CCBE1: variants seen among roughly 807,000 people sequenced by gnomAD.
CCBE1 encodes collagen and calcium binding EGF domains 1.
CCBE1 carries 37 observed loss-of-function variants against 50.0 expected under a neutral mutation model. The observed-to-expected ratio is 0.74, with a 90% CI of 0.57 to 0.97. The LOEUF (loss-of-function observed/expected upper bound fraction) is 0.97. Among genes scored for constraint, CCBE1 ranks in the 50% least tolerant of loss-of-function variants. CCBE1 has a pLI of 0.00. For synonymous variants in CCBE1, 234 were observed against 203.7 expected (o/e 1.15, Z -1.27); for missense variants, 538 against 523.8 (o/e 1.03, Z -0.26).
intron 2 of CCBE1, among the ~76,000 whole-genome samples, chr18:59,599,896 A>C (rs1274481478): frequency 6.6e-6 from 1 of 152,102 alleles, no homozygotes; most frequent in Non-Finnish European, 1.5e-5. Context: ...ATGACTTTGG[A>C]CTAATGGTTT....
intron 2 of CCBE1, among the ~76,000 whole-genome samples, chr18:59,596,049 A>G (rs985201720): frequency 3.3e-5 from 5 of 152,258 alleles, no homozygotes; most frequent in Non-Finnish European, 5.9e-5. Context: ...TTTTAATTCT[A>G]TAAACAAATC....
rs1327739104 is a variant in CCBE1 at position 59,433,599 on chromosome 18, C to G, written c.*2309G>C. On this transcript the variant is annotated 3_prime_UTR_variant, in exon 11 of 11. Coordinates refer to ENST00000439986, the MANE Select transcript of CCBE1 (RefSeq NM_133459.4). ...ACTGAAAGGTGGCATTCAAACACAACAAAAGGGATATTTTTTTTTTTTTGA... is the reference window on the plus strand; with the variant it reads ...ACTGAAAGGTGGCATTCAAACACAAGAAAAGGGATATTTTTTTTTTTTTGA... 3 of 108,902 alleles carry G rather than the reference C, an allele frequency of 2.8e-5. No individual in the cohort carries two copies. The highest frequency in any genetic ancestry group is 5.5e-5 in the Non-Finnish European group (3 of 54,944). The allele number at this position is 108,902 out of a possible 1,614,324, so 6.7% of individuals were successfully genotyped here.
chr18:59,686,768 T>A (rs2054660152), intron 2 of CCBE1, among the ~76,000 whole-genome samples: 2 of 152,170 alleles, frequency 1.3e-5, no homozygotes, highest in Non-Finnish European at 2.9e-5. Context: ...AGTATCTCCC[T>A]CCCTATGTCC....
chr18:59,485,448 A>G (rs1360986185), intron 2 of CCBE1, among the ~76,000 whole-genome samples: 1 of 152,074 alleles, frequency 6.6e-6, no homozygotes, highest in Non-Finnish European at 1.5e-5. Context: ...TAGTATTAGA[A>G]GACTAAAAGT....
At position 59,697,261 on chromosome 18, in the gene CCBE1, C is replaced by T. The variant is rs759242161; in HGVS notation, c.82G>A (p.Ala28Thr). ...RSLGPLLLLL[A>T]LGHTWTYREE... Reference sequence around the variant, plus strand: ...CTGTAGGTCCACGTGTGTCCCAACGCCAGGAGCAGCAGCAGCGGACCCAGG... The same window carrying T: ...CTGTAGGTCCACGTGTGTCCCAACGTCAGGAGCAGCAGCAGCGGACCCAGG... Residue 28 changes from alanine (A) to threonine (T), a missense_variant, in exon 1 of 11, where the codon GCG (alanine) becomes ACG (threonine). By Grantham distance (58) the Ala-to-Thr change is moderately conservative (BLOSUM62 0). Coordinates refer to ENST00000439986, the MANE Select transcript of CCBE1 (RefSeq NM_133459.4). 3 of 1,549,322 alleles carry T rather than the reference C, an allele frequency of 1.9e-6. No individual in the cohort carries two copies. The highest frequency in any genetic ancestry group is 2.7e-5 in the African/African-American group (2 of 73,130).
intron 3 of CCBE1, among the ~76,000 whole-genome samples, chr18:59,471,156 CAG>C (rs1475501298): frequency 3.9e-5 from 6 of 152,292 alleles, no homozygotes; most frequent in Middle Eastern, 3.4e-3. Context: ...AAGAAGGAGG[CAG>C]AGAGGCTGTC....
chr18:59,620,058 A>G (rs538848311), intron 2 of CCBE1, among the ~76,000 whole-genome samples: 31 of 152,122 alleles, frequency 2.0e-4, no homozygotes, highest in Non-Finnish European at 4.0e-4. Flanking sequence ...GAGGGAGGGG[A>G]ATAGGAAAGG....
chr18:59,671,227 G>A (rs1314132879), intron 2 of CCBE1, among the ~76,000 whole-genome samples: 1 of 152,130 alleles, frequency 6.6e-6, no homozygotes, highest in Non-Finnish European at 1.5e-5. Flanking sequence ...GCCCAGGTGT[G>A]GTGGCTCATA....
chr18:59,561,834 A>T (rs1327196377), intron 2 of CCBE1, among the ~76,000 whole-genome samples: 2 of 152,188 alleles, frequency 1.3e-5, no homozygotes, highest in African/African-American at 4.8e-5. Context: ...CGGCCAGCTC[A>T]AGCAGCCGAG....
chr18:59,452,574 C>G (rs1254044116), intron 6 of CCBE1, among the ~76,000 whole-genome samples: 2 of 152,154 alleles, frequency 1.3e-5, no homozygotes, highest in Non-Finnish European at 2.9e-5. Flanking sequence ...GCCTGGGCGA[C>G]AGAGCGAGAC....
upstream of CCBE1, chr18:59,697,477 G>C: frequency 8.7e-7 from 1 of 1,145,336 alleles, no homozygotes; most frequent in Non-Finnish European, 1.2e-6. Flanking sequence ...CACCTGCACG[G>C]GGAGCAGGGG....
In CCBE1 at chr18:59,434,553, C is replaced by G. The variant is rs191536972; in HGVS notation, c.*1355G>C. The G allele has an allele frequency of 1.3e-5, 2 of 152,262 alleles. No homozygotes were observed. The highest frequency in any genetic ancestry group is 2.9e-5 in the Non-Finnish European group (2 of 68,032). 9.4% of individuals were successfully genotyped at this position (152,262 alleles called of 1,614,324 possible). A position where few individuals can be genotyped will look rare whatever the true frequency, so the allele number is the denominator to read the frequency against. On this transcript the variant is annotated 3_prime_UTR_variant, in exon 11 of 11. Coordinates refer to ENST00000439986, the MANE Select transcript of CCBE1 (RefSeq NM_133459.4). ...GCAGGAACATGCTTCCCTTTGCCACCCAGAGGTGCTCTGAGAAAACACTCT... is the reference window on the plus strand; with the variant it reads ...GCAGGAACATGCTTCCCTTTGCCACGCAGAGGTGCTCTGAGAAAACACTCT...
intron 2 of CCBE1, among the ~76,000 whole-genome samples, chr18:59,486,819 A>G (rs1471041527): frequency 6.6e-6 from 1 of 152,206 alleles, no homozygotes; most frequent in African/African-American, 2.4e-5. Context: ...ACAAGAAGCA[A>G]GAGGTATATT....
chr18:59,545,749 G>A (rs1156681036), intron 2 of CCBE1, among the ~76,000 whole-genome samples: 1 of 152,180 alleles, frequency 6.6e-6, no homozygotes, highest in Non-Finnish European at 1.5e-5. Context: ...TCTCATGGTA[G>A]TGAATAAGTC....
intron 2 of CCBE1, among the ~76,000 whole-genome samples, chr18:59,550,639 T>C (rs1441005763): frequency 6.6e-6 from 1 of 152,040 alleles, no homozygotes; most frequent in Admixed American, 6.5e-5. Context: ...GTTAGAACAT[T>C]AGCAGCTCAA....
chr18:59,463,893 G>A (rs1356678763), intron 5 of CCBE1: 2 of 152,226 alleles, frequency 1.3e-5, no homozygotes, highest in African/African-American at 2.4e-5. Flanking sequence ...TAACGCATGG[G>A]CTACCTGGCT....
chr18:59,509,834 T>C (rs1305303221), intron 2 of CCBE1, among the ~76,000 whole-genome samples: 1 of 146,560 alleles, frequency 6.8e-6, no homozygotes, highest in Non-Finnish European at 1.5e-5. Flanking sequence ...TTACTCATTA[T>C]TAATGAGCTG....
rs2052789482 is a variant in CCBE1 at position 59,564,527 on chromosome 18, C to T, written c.213-84289G>A. Among the ~76,000 whole-genome samples the T allele has an allele frequency of 2.0e-5, 3 of 152,280 alleles. No homozygotes were observed. In the South Asian group the frequency reaches 6.2e-4, roughly 32 times the overall value. ...ATTTAATGAGAAAACTAGAAACAACCTAAATATATGACAATGTCTTCAGTA... is the reference window on the plus strand; with the variant it reads ...ATTTAATGAGAAAACTAGAAACAACTTAAATATATGACAATGTCTTCAGTA... On this transcript the variant is annotated intron_variant, in intron 2 of 10. Transcript: ENST00000439986.
chr18:59,606,681 T>C (rs2053503330), intron 2 of CCBE1, among the ~76,000 whole-genome samples: 1 of 152,116 alleles, frequency 6.6e-6, no homozygotes, highest in Admixed American at 6.5e-5. Flanking sequence ...TCTTGAATCT[T>C]TTGTTACCCC....
Sources: allele counts gnomAD v4.1 joint callset (sites outside exome capture counted in the v4.1 genomes callset), GRCh38; gene constraint gnomAD v4.1.1; transcripts MANE v1.5; gene names NCBI Gene and HGNC (gene_info 2026-07-23, HGNC 2026-07-21).